Variants in C4BPA observed in about 807,000 individuals in gnomAD.
C4BPA encodes the protein complement component 4 binding protein alpha.
Under a neutral mutation model 63.7 loss-of-function variants are expected in C4BPA, and 31 were observed. That is an observed-to-expected ratio of 0.49 (90% CI 0.37 to 0.66). C4BPA has a LOEUF of 0.66. Among genes scored for constraint, C4BPA ranks in the 30% least tolerant of loss-of-function variants. C4BPA has a pLI of 0.00. For missense variants in C4BPA, 572 were observed against 723.3 expected, an observed-to-expected ratio of 0.79 and a Z score of 2.40; for synonymous variants, 259 against 254.7, an observed-to-expected ratio of 1.02 and a Z score of -0.16.
intron 11 of C4BPA, 81 bp from the exon 12 acceptor site, chr1:207,144,463 G>T: frequency 1.5e-6 from 2 of 1,304,712 alleles, no homozygotes; most frequent in Non-Finnish European, 1.1e-6. Flanking sequence ...CAATCCTGTA[G>T]TCCTTCCACT....
chr1:207,112,260 C>T (rs776367701), intron 1 of C4BPA, among the ~76,000 whole-genome samples: 2 of 151,522 alleles, frequency 1.3e-5, no homozygotes, highest in Non-Finnish European at 2.9e-5. Flanking sequence ...TGGTTTATTG[C>T]CTTTGTCAAT....
chr1:207,123,114 T>C (rs954018447), intron 4 of C4BPA, among the ~76,000 whole-genome samples: 2 of 152,204 alleles, frequency 1.3e-5, no homozygotes, highest in East Asian at 3.9e-4. Context: ...AACACTAAGG[T>C]GTTCCCATTG....
At position 207,131,441 on chromosome 1, in the gene C4BPA, G is replaced by T. The variant is rs1003263079; in HGVS notation, c.890-105G>T. The T allele has an allele frequency of 4.8e-5, 36 of 743,396 alleles. No individual in the cohort carries two copies. The East Asian group carries it at 5.4e-4, about 11-fold the overall frequency. The allele number at this position is 743,396 out of a possible 1,614,324, so 46.0% of individuals were successfully genotyped here. A position where few individuals can be genotyped will look rare whatever the true frequency, so the allele number is the denominator to read the frequency against. ...ATCAGGCCTTGCAGGCTGGTTCCAGGCTGAATGAACGTATGACCCCCTTTG... is the reference window on the plus strand; with the variant it reads ...ATCAGGCCTTGCAGGCTGGTTCCAGTCTGAATGAACGTATGACCCCCTTTG... On this transcript the variant is annotated intron_variant, in intron 7 of 11. Transcript: ENST00000367070.
intron 7 of C4BPA, 146 bp downstream of exon 7, chr1:207,127,041 T>C: frequency 1.6e-6 from 1 of 610,108 alleles, no homozygotes; most frequent in Admixed American, 3.3e-5. Flanking sequence ...ATTTTTTTCT[T>C]GTTGGAAAGA....
chr1:207,126,689 T>G (rs887784946), intron 6 of C4BPA, 24 bp from the exon 7 acceptor site: 4 of 1,583,150 alleles, frequency 2.5e-6, no homozygotes, highest in Non-Finnish European at 3.5e-6. Context: ...TAAAATCCAC[T>G]TGTCTTTTCT....
At chr1:207,138,670 TG>T (rs1165911433) in intron 9 of C4BPA, among the ~76,000 whole-genome samples, 3 of 152,178 alleles carry the variant, frequency 2.0e-5, no homozygotes, top group Admixed American at 6.5e-5. Flanking sequence ...TTTCCTAACA[TG>T]GGCCCCGCTC....
chr1:207,134,105 C>T (rs979735983), intron 8 of C4BPA, among the ~76,000 whole-genome samples: 2 of 152,154 alleles, frequency 1.3e-5, no homozygotes, highest in African/African-American at 4.8e-5. Context: ...ATTTTGAACT[C>T]CCAAAGCACT....
chr1:207,136,470 TC>T (rs1685281476), intron 9 of C4BPA, among the ~76,000 whole-genome samples: 2 of 152,318 alleles, frequency 1.3e-5, no homozygotes, highest in Middle Eastern at 3.4e-3. Context: ...AATCTTCCAA[TC>T]TTTCTTCTTA....
At chr1:207,109,110 C>T (rs765379261) in intron 1 of C4BPA, among the ~76,000 whole-genome samples, 17 of 152,146 alleles carry the variant, frequency 1.1e-4, no homozygotes, top group Non-Finnish European at 1.8e-4. Flanking sequence ...GACAAAGCCC[C>T]AGGACAGCCC....
chr1:207,131,178 T>C (rs559319293), intron 7 of C4BPA, among the ~76,000 whole-genome samples: 3 of 152,358 alleles, frequency 2.0e-5, no homozygotes, highest in Non-Finnish European at 4.4e-5. Flanking sequence ...GAACGGCTCC[T>C]GTTTATTTTC....
intron 1 of C4BPA, among the ~76,000 whole-genome samples, chr1:207,111,222 GA>G (rs1167887153): frequency 8.5e-5 from 13 of 152,334 alleles, no homozygotes; most frequent in East Asian, 1.9e-4. Flanking sequence ...TGGGAAAAAA[GA>G]GGGGGAAACT....
intron 4 of C4BPA, among the ~76,000 whole-genome samples, chr1:207,121,832 ACCC>A (rs1684927822): frequency 6.6e-6 from 1 of 151,308 alleles, no homozygotes; most frequent in Non-Finnish European, 1.5e-5. Context: ...TTGTATTCTT[ACCC>A]CTCCTTCACC....
chr1:207,120,704 A>G (rs551701608), intron 4 of C4BPA, among the ~76,000 whole-genome samples: 6 of 152,372 alleles, frequency 3.9e-5, no homozygotes, highest in Non-Finnish European at 8.8e-5. Context: ...CAGTTGTTTT[A>G]TGGCGCATCA....
chr1:207,122,915 C>T (rs1167234072), intron 4 of C4BPA, among the ~76,000 whole-genome samples: 1 of 152,158 alleles, frequency 6.6e-6, no homozygotes, highest in South Asian at 2.1e-4. Flanking sequence ...TACTTGGATT[C>T]CTTCTTTAGG....
In C4BPA at chr1:207,124,104, A is replaced by G. The variant is rs181908416; in HGVS notation, c.515-71A>G. 77 of 1,521,754 alleles carry G rather than the reference A, an allele frequency of 5.1e-5. No individual in the cohort carries two copies. In the African/African-American group the frequency reaches 6.4e-4, roughly 13 times the overall value. 94.3% of individuals were successfully genotyped at this position (1,521,754 alleles called of 1,614,324 possible). The stretch of plus-strand genomic sequence containing the variant: ...ACAGGTATGTGTACCTTCCATTAGA[A>G]TTTGCATGAATTTTAGATTTATCAT... On this transcript the variant is annotated intron_variant, in intron 5 of 11. Transcript: ENST00000367070.
chr1:207,123,218 G>T (rs887921162), intron 4 of C4BPA, among the ~76,000 whole-genome samples: 8 of 152,160 alleles, frequency 5.3e-5, no homozygotes, highest in African/African-American at 1.9e-4. Flanking sequence ...ATACTTAATT[G>T]TAGTTGTAGT....
Position 207,131,598 on chromosome 1 carries a change from T to C in C4BPA, c.942T>C (p.Pro314=). 5 of 1,613,208 alleles carry C rather than the reference T, an allele frequency of 3.1e-6. No individual in the cohort carries two copies. Among genetic ancestry groups the C allele is most frequent in the Non-Finnish European group, 4.2e-6 (5 of 1,179,270 alleles). Residue 314 remains proline, a synonymous_variant, in exon 8 of 12, where the codon CCT becomes CCC. Transcript: ENST00000367070. ...CACATGCTTCCTGGGAAACATATCC[T>C]AGGCCGACAAAAGAGGATGTGTATG... is the stretch of plus-strand genomic sequence containing the variant. ...DIPHASWETY[P]RPTKEDVYVV...
At chr1:207,123,824 T>TATTTTA in intron 4 of C4BPA, 98 bp from the exon 5 acceptor site, 2 of 695,120 alleles carry the variant, frequency 2.9e-6, no homozygotes, top group Non-Finnish European at 5.0e-6. Flanking sequence ...ATGATTTCCT[T>TATTTTA]ATTTTAATAT....
At chr1:207,130,236 T>G (rs1393446007) in intron 7 of C4BPA, among the ~76,000 whole-genome samples, 1 of 152,196 alleles carries the variant, frequency 6.6e-6, no homozygotes, top group Non-Finnish European at 1.5e-5. Context: ...GATAGCCTTC[T>G]AGTAACAATC....
Sources: gnomAD v4.1 joint callset for allele counts (sites outside exome capture counted in the v4.1 genomes callset) on GRCh38, gnomAD v4.1.1 for gene constraint, MANE v1.5 for transcripts, NCBI Gene and HGNC (gene_info 2026-07-23, HGNC 2026-07-21) for gene names.